The following ERBB4 variants were observed in gnomAD, a reference collection of about 807,000 sequenced individuals.
ERBB4 encodes erb-b2 receptor tyrosine kinase 4.
A neutral mutation model predicts 158.0 loss-of-function variants in ERBB4; 42 were observed. The ratio of observed to expected loss-of-function variants is 0.27; its 90% CI spans 0.21 to 0.34. The LOEUF is 0.34. ERBB4 is among the 10% of genes least tolerant of loss of function. The pLI is 1.00. For synonymous variants in ERBB4, 583 were observed against 558.7 expected (o/e 1.04, Z -0.61); for missense variants, 1,333 against 1,624.1 (o/e 0.82, Z 3.08).
chr2:212,011,424 C>A (rs1309352683), intron 2 of ERBB4, among the ~76,000 whole-genome samples: 1 of 151,976 alleles, frequency 6.6e-6, no homozygotes, highest in Non-Finnish European at 1.5e-5. Flanking sequence ...TTCTATTAAC[C>A]AATGCTGAGC....
chr2:211,978,618 T>G (rs2081700296), intron 2 of ERBB4, among the ~76,000 whole-genome samples: 1 of 152,130 alleles, frequency 6.6e-6, no homozygotes. Flanking sequence ...ATGACTATCT[T>G]CTGATCAAGA....
chr2:211,725,217 C>G, intron 5 of ERBB4, 23 bp from the exon 6 acceptor site: 2 of 1,571,288 alleles, frequency 1.3e-6, no homozygotes, highest in Non-Finnish European at 1.8e-6. Context: ...GAGATAGGAC[C>G]ATGATCAAAG....
chr2:212,044,406 C>T (rs1385351256), intron 2 of ERBB4, among the ~76,000 whole-genome samples: 1 of 152,056 alleles, frequency 6.6e-6, no homozygotes, highest in Admixed American at 6.6e-5. Flanking sequence ...ATTTCTGCCG[C>T]CTTTTGGTTG....
At chr2:211,980,868 T>A (rs1296997774) in intron 2 of ERBB4, among the ~76,000 whole-genome samples, 1 of 152,124 alleles carries the variant, frequency 6.6e-6, no homozygotes, top group Non-Finnish European at 1.5e-5. Context: ...TATGGCCTTC[T>A]TAATCATTTG....
At chr2:212,525,534 T>A (rs191126724) in intron 1 of ERBB4, among the ~76,000 whole-genome samples, 1 of 152,102 alleles carries the variant, frequency 6.6e-6, no homozygotes, top group African/African-American at 2.4e-5. Context: ...TACTCTACAA[T>A]TCACTGTGCT....
At chr2:212,437,131 A>C (rs1027348290) in intron 1 of ERBB4, among the ~76,000 whole-genome samples, 1 of 152,098 alleles carries the variant, frequency 6.6e-6, no homozygotes, top group African/African-American at 2.4e-5. Flanking sequence ...AATGTAAGGT[A>C]AAAGAACACT....
At chr2:212,204,046 T>C (rs1487973580) in intron 1 of ERBB4, among the ~76,000 whole-genome samples, 3 of 152,202 alleles carry the variant, frequency 2.0e-5, no homozygotes, top group African/African-American at 7.2e-5. Context: ...GATTATCAAC[T>C]TAAAACATTA....
At chr2:212,058,681 G>A (rs964594870) in intron 2 of ERBB4, among the ~76,000 whole-genome samples, 1 of 152,106 alleles carries the variant, frequency 6.6e-6, no homozygotes, top group Admixed American at 6.5e-5. Context: ...AAGAACTAAA[G>A]ACAAAAATCG....
At chr2:212,033,806 T>C (rs913216656) in intron 2 of ERBB4, among the ~76,000 whole-genome samples, 2 of 151,944 alleles carry the variant, frequency 1.3e-5, no homozygotes, top group South Asian at 4.1e-4. Context: ...TTTGGTAAAT[T>C]ATTTAACAGT....
At chr2:211,690,142 A>T (rs2072745108) in intron 12 of ERBB4, among the ~76,000 whole-genome samples, 1 of 151,222 alleles carries the variant, frequency 6.6e-6, no homozygotes, top group Non-Finnish European at 1.5e-5. Flanking sequence ...CAGTTGTCTT[A>T]AGTTAGTGTT....
intron 1 of ERBB4, among the ~76,000 whole-genome samples, chr2:212,491,397 A>C (rs1296630813): frequency 6.6e-6 from 1 of 151,600 alleles, no homozygotes; most frequent in Non-Finnish European, 1.5e-5. Flanking sequence ...CACCATTTTG[A>C]AGGCAATAGA....
chr2:212,366,713 G>A (rs1394800), intron 1 of ERBB4, among the ~76,000 whole-genome samples: 25,817 of 151,866 alleles, frequency 0.17, 2,507 homozygotes, highest in South Asian at 0.25. Context: ...ATATTATCAA[G>A]AATAGCTTTT....
rs867896280 is a variant in ERBB4, at chr2:211,580,809, T to A, written c.2302-18721A>T. ...TGTGATATATATATATATATATATA[T>A]ATAATATATATATATTATATATATA... On this transcript the variant is annotated intron_variant, in intron 19 of 27. Coordinates refer to ENST00000342788, the MANE Select transcript of ERBB4 (RefSeq NM_005235.3). Among the ~76,000 whole-genome samples, 8 of 47,412 alleles carry A rather than the reference T, an allele frequency of 1.7e-4. 1 individual carries two copies. The highest frequency in any genetic ancestry group is 1.2e-3 in the African/African-American group (8 of 6,918). 31.1% of individuals were successfully genotyped at this position (47,412 alleles called of 152,430 possible). A position where few individuals can be genotyped will look rare whatever the true frequency, so the allele number is the denominator to read the frequency against.
chr2:212,496,510 C>T (rs1575028721), intron 1 of ERBB4, among the ~76,000 whole-genome samples: 1 of 152,134 alleles, frequency 6.6e-6, no homozygotes, highest in South Asian at 2.1e-4. Context: ...AGACATCTGG[C>T]AACCCAAAAT....
chr2:211,579,478 A>G (rs73076977), intron 19 of ERBB4, among the ~76,000 whole-genome samples: 2,073 of 152,266 alleles, frequency 0.014, 28 homozygotes, highest in African/African-American at 0.037. Context: ...AAACCATTCT[A>G]TTGGAAAGAT....
At chr2:212,031,320 A>AT (rs2125349563) in intron 2 of ERBB4, among the ~76,000 whole-genome samples, 1 of 152,202 alleles carries the variant, frequency 6.6e-6, no homozygotes, top group South Asian at 2.1e-4. Context: ...CTATATTTAA[A>AT]TTTTTTATAT....
chr2:211,579,835 T>A (rs1248972382), intron 19 of ERBB4, among the ~76,000 whole-genome samples: 2 of 151,864 alleles, frequency 1.3e-5, no homozygotes, highest in Non-Finnish European at 2.9e-5. Context: ...TTAGGAAAAA[T>A]AGCTAATGCA....
intron 2 of ERBB4, among the ~76,000 whole-genome samples, chr2:212,083,690 A>T (rs1521553): frequency 0.53 from 80,123 of 151,562 alleles, 24,059 homozygotes; most frequent in East Asian, 0.92. Context: ...TTGACAACAT[A>T]GGATTGCACA....
intron 16 of ERBB4, among the ~76,000 whole-genome samples, chr2:211,646,862 C>T (rs1394849578): frequency 6.6e-6 from 1 of 151,560 alleles, no homozygotes; most frequent in African/African-American, 2.4e-5. Context: ...AAGTTAGAAA[C>T]ATGTAAAGCA....
Sources: allele counts gnomAD v4.1 joint callset (sites outside exome capture counted in the v4.1 genomes callset), GRCh38; gene constraint gnomAD v4.1.1; transcripts MANE v1.5; gene names NCBI Gene and HGNC (gene_info 2026-07-23, HGNC 2026-07-21).